SLC14A2: variants seen among roughly 807,000 people sequenced by gnomAD.
SLC14A2 encodes the protein urea transporter 2.
SLC14A2 carries 91 observed loss-of-function variants against 104.6 expected under a neutral mutation model. The ratio of observed to expected loss-of-function variants is 0.87; its 90% CI spans 0.73 to 1.04. The LOEUF (loss-of-function observed/expected upper bound fraction) is 1.04. Among genes scored for constraint, SLC14A2 ranks in the 50% least tolerant of loss-of-function variants. The pLI, the probability that SLC14A2 is intolerant of heterozygous loss-of-function variation, is 0.00. For synonymous variants in SLC14A2, 476 were observed against 466.4 expected, an observed-to-expected ratio of 1.02 and a Z score of -0.27; for missense variants, 1,189 against 1,156.0, an observed-to-expected ratio of 1.03 and a Z score of -0.41.
intron 1 of SLC14A2, among the ~76,000 whole-genome samples, chr18:45,447,868 A>G (rs1346427373): frequency 1.3e-5 from 2 of 152,240 alleles, no homozygotes. Context: ...GCAGTTAATA[A>G]TTAATTTAAA....
chr18:45,197,708 C>A, the SLC14A2 span, among the ~76,000 whole-genome samples: 11 of 152,180 alleles, frequency 7.2e-5, no homozygotes, highest in African/African-American at 2.7e-4. Context: ...GAATTGAGTG[C>A]GTCATTTCCC....
chr18:45,524,168 A>G (rs2043558154), intron 2 of SLC14A2, among the ~76,000 whole-genome samples: 1 of 151,986 alleles, frequency 6.6e-6, no homozygotes, highest in South Asian at 2.1e-4. Context: ...TATTACTACT[A>G]TTACTTATTC....
chr18:45,496,120 C>T (rs543602687), intron 2 of SLC14A2, among the ~76,000 whole-genome samples: 1 of 152,278 alleles, frequency 6.6e-6, no homozygotes, highest in Non-Finnish European at 1.5e-5. Context: ...CCAAGGGCAA[C>T]TTGATCCCTA....
chr18:45,637,011 G>T lies in SLC14A2; in HGVS notation c.672G>T (p.Leu224Phe), dbSNP rs764472919. Residue 224 changes from leucine to phenylalanine, a missense_variant, in exon 6 of 20, where the codon TTG becomes TTT. Transcript: ENST00000255226. ...TCAGCCCAGTTCTTTCTAGTGCCTT[G>T]AATTCCATCTTCAGCAAGTGGGACC... The part of the protein sequence containing the change: ...AMSCPVLSSA[L>F]NSIFSKWDLP... 6.2e-7 allele frequency: 1 copy of T among 1,614,080 alleles called. No homozygotes were observed.
At chr18:45,472,468 G>A (rs998351494) in intron 1 of SLC14A2, among the ~76,000 whole-genome samples, 4 of 152,174 alleles carry the variant, frequency 2.6e-5, no homozygotes, top group African/African-American at 7.2e-5. Context: ...TTCCACAGTG[G>A]TTGAACTAAT....
chr18:45,592,406 T>C (rs1431194695), intron 2 of SLC14A2, among the ~76,000 whole-genome samples: 1 of 152,190 alleles, frequency 6.6e-6, no homozygotes, highest in Non-Finnish European at 1.5e-5. Context: ...ATGGAACTGG[T>C]TGCATTTCCA....
At chr18:45,405,876 G>A (rs1298542207) in intron 1 of SLC14A2, among the ~76,000 whole-genome samples, 1 of 146,634 alleles carries the variant, frequency 6.8e-6, no homozygotes, top group Non-Finnish European at 1.5e-5. Context: ...TCCAGCCTGT[G>A]CGACAGGGAG....
intron 1 of SLC14A2, among the ~76,000 whole-genome samples, chr18:45,388,064 C>CTTTT (rs58962313): frequency 1.4e-4 from 10 of 69,092 alleles, no homozygotes; most frequent in Non-Finnish European, 2.0e-4. Context: ...TTGCTCATAT[C>CTTTT]TTTTTTTTTT....
intron 1 of SLC14A2, among the ~76,000 whole-genome samples, chr18:45,368,623 T>C (rs573919227): frequency 6.6e-6 from 1 of 152,266 alleles, no homozygotes; most frequent in South Asian, 2.1e-4. Flanking sequence ...TTCGCAAATG[T>C]CAAAGCTAGA....
At chr18:45,421,613 A>T (rs992133825) in intron 1 of SLC14A2, among the ~76,000 whole-genome samples, 1 of 152,236 alleles carries the variant, frequency 6.6e-6, no homozygotes, top group South Asian at 2.1e-4. Context: ...AAAAATTTAC[A>T]TTGTAATGGC....
At position 45,599,264 on chromosome 18, in the gene SLC14A2, A is replaced by G. The variant is rs568251939; in HGVS notation, c.-34-25367A>G. Among the ~76,000 whole-genome samples, 60 of 152,272 alleles carry G rather than the reference A, an allele frequency of 3.9e-4. 1 individual carries two copies. The South Asian group carries it at 0.012, about 32-fold the overall frequency. On this transcript the variant is annotated intron_variant, in intron 2 of 20. Transcript: ENST00000586448. ...GGAGTAATCGCTAATAACCAGCACA[A>G]TTACTGCCTCCCTCTTGATCAAGGG...
intron 2 of SLC14A2, among the ~76,000 whole-genome samples, chr18:45,561,046 T>C (rs2044194741): frequency 6.6e-6 from 1 of 152,038 alleles, no homozygotes; most frequent in Non-Finnish European, 1.5e-5. Flanking sequence ...GGATACTGTG[T>C]GGTGAAAGAC....
chr18:45,336,809 G>T (rs1297895300), intron 1 of SLC14A2, among the ~76,000 whole-genome samples: 1 of 152,094 alleles, frequency 6.6e-6, no homozygotes, highest in African/African-American at 2.4e-5. Context: ...TCATCAACTG[G>T]CCTCTGTCTT....
intron 1 of SLC14A2, among the ~76,000 whole-genome samples, chr18:45,260,629 A>G (rs117311284): frequency 1.3e-5 from 2 of 152,230 alleles, no homozygotes; most frequent in Non-Finnish European, 2.9e-5. Context: ...CTACTCAGCC[A>G]TAAAAAATAA....
chr18:45,437,262 C>T (rs1474551334), intron 1 of SLC14A2, among the ~76,000 whole-genome samples: 1 of 152,214 alleles, frequency 6.6e-6, no homozygotes, highest in Non-Finnish European at 1.5e-5. Context: ...CACTAAGGCA[C>T]TCCTCCTGTC....
chr18:45,595,794 G>A (rs947154232), intron 2 of SLC14A2, among the ~76,000 whole-genome samples: 24 of 152,062 alleles, frequency 1.6e-4, no homozygotes, highest in Non-Finnish European at 2.5e-4. Context: ...CCTGCTCCCC[G>A]GCTTCCTCAC....
intron 1 of SLC14A2, among the ~76,000 whole-genome samples, chr18:45,400,145 G>C (rs2144448162): frequency 6.6e-6 from 1 of 152,302 alleles, no homozygotes; most frequent in South Asian, 2.1e-4. Flanking sequence ...TCCTCACACA[G>C]AGACCCCAAT....
chr18:45,231,658 A>G (rs910677915), intron 1 of SLC14A2, among the ~76,000 whole-genome samples: 13 of 152,206 alleles, frequency 8.5e-5, no homozygotes, highest in African/African-American at 2.9e-4. Context: ...CATGCCATCC[A>G]TTACATAGTC....
At position 45,229,481 on chromosome 18, in the gene SLC14A2, A is replaced by T. The variant is rs2084153485; in HGVS notation, c.-125+16290A>T. 2.0e-5 allele frequency among the ~76,000 whole-genome samples: 3 copies of T among 152,060 alleles called. No homozygotes were observed. In the South Asian group the frequency reaches 6.2e-4, roughly 31 times the overall value. ...GCCTTCCCACTCTTGCTTTCTTGAT[A>T]GGTCAGGCGAGAGCTAAACAAGTTC... On this transcript the variant is annotated intron_variant, in intron 1 of 20. Coordinates refer to the SLC14A2 transcript ENST00000586448.
Sources: gnomAD v4.1 joint callset for allele counts (sites outside exome capture counted in the v4.1 genomes callset) on GRCh38, gnomAD v4.1.1 for gene constraint, MANE v1.5 for transcripts, NCBI Gene and HGNC (gene_info 2026-07-23, HGNC 2026-07-21) for gene names.